TRPM4: variants seen among roughly 807,000 people sequenced by gnomAD.
The protein encoded by TRPM4 is calcium-activated non-selective cation channel 1.
Under a neutral mutation model 135.6 loss-of-function variants are expected in TRPM4, and 124 were observed. The ratio of observed to expected loss-of-function variants is 0.91; its 90% CI spans 0.79 to 1.06. The LOEUF (loss-of-function observed/expected upper bound fraction) is 1.06. TRPM4 is among the 50% of genes least tolerant of loss of function. The pLI is 0.00. For synonymous variants in TRPM4, 745 were observed against 705.6 expected, an observed-to-expected ratio of 1.06 and a Z score of -0.88; for missense variants, 1,658 against 1,671.4, an observed-to-expected ratio of 0.99 and a Z score of 0.14.
At position 49,182,888 on chromosome 19, in the gene TRPM4, G is replaced by A. The variant is rs1417121666; in HGVS notation, c.1574G>A (p.Trp525Ter). ...CCGAGGTACCCCTCCGGGGGCGCCT[G>A]GGACCCTCACCCAGGCCAGGGCTTC... Reference protein sequence around the residue: ...CAPRYPSGGAWDPHPGQGFGE... With the variant: ...CAPRYPSGGA The change falls in exon 11 of 25, where the codon TGG (tryptophan) becomes TAG (stop). Residue 525 changes from tryptophan to a stop codon, truncating the protein, a stop_gained. Coordinates refer to ENST00000252826, the MANE Select transcript of TRPM4 (RefSeq NM_017636.4). LOFTEE classifies it high-confidence loss of function. 1.2e-6 allele frequency: 2 copies of A among 1,601,674 alleles called. No individual in the cohort carries two copies. Among genetic ancestry groups the A allele is most frequent in the African/African-American group, 2.7e-5 (2 of 74,662 alleles).
Position 49,210,299 on chromosome 19 carries a change from G to C in TRPM4, c.3222G>C (p.Ala1074=). ...RLIREFHSRP[A]LAPPFIVISH... is the part of the protein sequence containing the mutation. ...TCCGGGAATTCCACTCTCGGCCCGC[G>C]CTGGCCCCGCCCTTTATCGTCATCT... Residue 1074 remains alanine, a synonymous_variant, in exon 21 of 25, where the codon GCG becomes GCC. Transcript: ENST00000252826. The surrounding 1 kb of genome is among the most constrained non-coding windows in gnomAD (Gnocchi z 4.1). 6.2e-7 allele frequency: 1 copy of C among 1,614,214 alleles called. No homozygotes were observed. Among genetic ancestry groups the C allele is most frequent in the South Asian group, 1.1e-5 (1 of 91,090 alleles).
Position 49,168,371 on chromosome 19 carries a change from G to C in TRPM4, c.560G>C (p.Gly187Ala), listed in dbSNP as rs1967313747. The change falls in exon 5 of 25, where the codon GGT becomes GCT. Residue 187 changes from glycine (G) to alanine (A), a missense_variant. Gly to Ala is a moderately conservative substitution (Grantham distance 60). Around this residue, in one of 3 missense-constraint regions of TRPM4, gnomAD observed 1,412 missense variants for 1,408.7 expected, o/e 1.00. Transcript: ENST00000252826. ...GGGGGCACCAAGGTGGTGGCCATGG[G>C]TGTGGCCCCCTGGGGTGTGGTCCGG... ...STGGTKVVAMGVAPWGVVRNR... is the reference protein window; with the variant it reads ...STGGTKVVAMAVAPWGVVRNR... The C allele has an allele frequency of 6.2e-7, 1 of 1,614,004 alleles. No individual in the cohort carries two copies. Among genetic ancestry groups the C allele is most frequent in the Admixed American group, 1.7e-5 (1 of 60,008 alleles).
At chr19:49,175,188 G>A (rs1049623299) in intron 9 of TRPM4, among the ~76,000 whole-genome samples, 16 of 148,576 alleles carry the variant, frequency 1.1e-4, no homozygotes, top group Non-Finnish European at 2.2e-4. Context: ...TGATTCTCCT[G>A]CCTCAGCCTC....
intron 2 of TRPM4, 32 bp downstream of exon 2, chr19:49,158,291 G>A: frequency 6.2e-7 from 1 of 1,606,732 alleles, no homozygotes; most frequent in Non-Finnish European, 8.5e-7. Context: ...TGACCCCAGA[G>A]GGTCCGCGGC....
chr19:49,196,522 G>T lies in TRPM4; in HGVS notation c.2293G>T (p.Gly765Trp). 1 of 1,553,616 alleles carries T rather than the reference G, an allele frequency of 6.4e-7. No individual in the cohort carries two copies. The highest frequency in any genetic ancestry group is 1.9e-5 in the Admixed American group (1 of 52,142). The change falls in exon 17 of 25, where the codon GGG becomes TGG. Residue 765 changes from glycine to tryptophan, a missense_variant. Physicochemically the swap from Gly to Trp is radical, Grantham distance 184 (BLOSUM62 -2). This residue lies in a region of TRPM4 where 1,412 missense variants were observed against 1,408.7 expected (regional missense o/e 1.00). Transcript: ENST00000252826. ...GGGTTGCTGCGGGGGCCGCTGCGGG[G>T]GGCGCCGGTGCCTACGCCGCTGGTT... ...RPGCCGGRCG[G>W]RRCLRRWFHF...
intron 14 of TRPM4, 58 bp from the exon 15 acceptor site, chr19:49,190,150 G>A (rs948746851): frequency 4.0e-5 from 58 of 1,451,190 alleles, no homozygotes; most frequent in African/African-American, 1.3e-4. Context: ...CTTGCTGGGC[G>A]TCTTAGGGAC....
At position 49,190,246 on chromosome 19, in the gene TRPM4, C is replaced by A. The variant is rs1402986239; in HGVS notation, c.2058C>A (p.Ser686Arg). 1 of 1,614,180 alleles carries A rather than the reference C, an allele frequency of 6.2e-7. No homozygotes were observed. Among genetic ancestry groups the A allele is most frequent in the Non-Finnish European group, 8.5e-7 (1 of 1,180,028 alleles). Residue 686 changes from serine (S) to arginine (R), a missense_variant, in exon 15 of 25, where the codon AGC becomes AGA. By Grantham distance (110) the Ser-to-Arg change is moderately radical. Transcript: ENST00000252826. ...LTQKWWGDMA[S>R]TTPIWALVLA... Reference sequence around the variant, plus strand: ...AGAAGTGGTGGGGAGATATGGCCAGCACTACACCCATCTGGGCCCTGGTTC... The same window carrying A: ...AGAAGTGGTGGGGAGATATGGCCAGAACTACACCCATCTGGGCCCTGGTTC...
Position 49,190,267 on chromosome 19 carries a change from G to T in TRPM4, c.2079G>T (p.Leu693=). Residue 693 remains leucine (L), a synonymous_variant, in exon 15 of 25, where the codon CTG becomes CTT. Coordinates refer to ENST00000252826, the MANE Select transcript of TRPM4 (RefSeq NM_017636.4). The part of the protein sequence containing the change: ...DMASTTPIWA[L]VLAFFCPPLI... ...CCAGCACTACACCCATCTGGGCCCT[G>T]GTTCTCGCCTTCTTTTGCCCTCCAC... is the stretch of plus-strand genomic sequence containing the variant. 2 of 1,614,176 alleles carry T rather than the reference G, an allele frequency of 1.2e-6. No individual in the cohort carries two copies. Among genetic ancestry groups the T allele is most frequent in the Non-Finnish European group, 1.7e-6 (2 of 1,180,038 alleles).
rs373981638 is a variant in TRPM4 at position 49,183,123 on chromosome 19, G to A, written c.1654G>A (p.Ala552Thr). 1.2e-6 allele frequency: 2 copies of A among 1,613,728 alleles called. No individual in the cohort carries two copies. Among genetic ancestry groups the A allele is most frequent in the Non-Finnish European group, 1.7e-6 (2 of 1,180,016 alleles). Residue 552 changes from alanine to threonine, a missense_variant, in exon 12 of 25, where the codon GCT becomes ACT. Physicochemically the swap from Ala to Thr is moderately conservative, Grantham distance 58. Transcript: ENST00000252826. The part of the protein sequence containing the change: ...DKATSPLSLD[A>T]GLGQAPWSDL... Reference sequence around the variant, plus strand: ...GGCCACCTCGCCGCTCTCGCTGGATGCTGGCCTCGGGCAGGCCCCCTGGAG... The same window carrying A: ...GGCCACCTCGCCGCTCTCGCTGGATACTGGCCTCGGGCAGGCCCCCTGGAG...
intron 20 of TRPM4, among the ~76,000 whole-genome samples, chr19:49,209,895 C>T (rs1223305587): frequency 6.6e-6 from 1 of 151,926 alleles, no homozygotes; most frequent in African/African-American, 2.4e-5. Flanking sequence ...ATTACAGGTG[C>T]CCACCACCAC....
intron 20 of TRPM4, among the ~76,000 whole-genome samples, chr19:49,203,148 C>T (rs934087820): frequency 6.6e-6 from 1 of 151,826 alleles, no homozygotes; most frequent in African/African-American, 2.4e-5. Flanking sequence ...GCCTTGGCCT[C>T]CCAAAGTGCT....
Position 49,168,249 on chromosome 19 carries a change from C to G in TRPM4, c.449-11C>G. The stretch of plus-strand genomic sequence containing the variant: ...CCCCCTGCCTCTGCATGTTCCTCGG[C>G]GTCTGTGTAGGAGCCTGGATTGTCA... On this transcript the variant is annotated splice_polypyrimidine_tract_variant and intron_variant, in intron 4 of 24. Transcript: ENST00000252826. 2 of 1,614,072 alleles carry G rather than the reference C, an allele frequency of 1.2e-6. No homozygotes were observed. The highest frequency in any genetic ancestry group is 1.7e-6 in the Non-Finnish European group (2 of 1,180,024).
chr19:49,179,984 G>T (rs923577125), intron 9 of TRPM4, among the ~76,000 whole-genome samples: 11 of 152,176 alleles, frequency 7.2e-5, no homozygotes, highest in African/African-American at 1.4e-4. Flanking sequence ...GGCTCCCAAG[G>T]TTCAATGGCT....
rs1392525365 is a variant in TRPM4 at position 49,171,051 on chromosome 19, G to A, written c.797-306G>A. Among the ~76,000 whole-genome samples the A allele has an allele frequency of 6.6e-6, 1 of 151,772 alleles. No individual in the cohort carries two copies. The highest frequency in any genetic ancestry group is 1.5e-5 in the Non-Finnish European group (1 of 67,992). ...TGCACTCTATCCTGGGCGATAGAGT[G>A]ACACCCTGTTTCAGAAATTAGGCTG... On this transcript the variant is annotated intron_variant, in intron 6 of 24. Transcript: ENST00000252826. This position sits in a 1 kb window ranked among gnomAD's most constrained non-coding sequence, Gnocchi z 4.7.
chr19:49,201,397 T>A (rs1049849324), intron 19 of TRPM4, among the ~76,000 whole-genome samples: 2 of 152,240 alleles, frequency 1.3e-5, no homozygotes, highest in African/African-American at 4.8e-5. Flanking sequence ...TATGATCTAA[T>A]GCTTGCTTGA....
intron 10 of TRPM4, 130 bp from the exon 11 acceptor site, chr19:49,182,448 C>T (rs1200494255): frequency 2.7e-6 from 2 of 730,802 alleles, no homozygotes; most frequent in Admixed American, 2.1e-5. Context: ...ATCCATCCAT[C>T]CACCCATCCA....
In TRPM4 at chr19:49,175,691, C is replaced by T. The variant is rs1424221374; in HGVS notation, c.1150+3583C>T. Among the ~76,000 whole-genome samples the T allele has an allele frequency of 1.2e-4, 17 of 146,760 alleles. 1 individual carries two copies. The highest frequency in any genetic ancestry group is 8.8e-4 in the Admixed American group (13 of 14,700). On this transcript the variant is annotated intron_variant, in intron 9 of 24. Coordinates refer to ENST00000252826, the MANE Select transcript of TRPM4 (RefSeq NM_017636.4). ...TTTTTTTTTTTTTGAGACAGAGTCT[C>T]GCTCTGTCGCCCAGGCTGGAGTGCA...
Position 49,210,928 on chromosome 19 carries a change from G to T in TRPM4, c.3461+86G>T. 7.5e-7 allele frequency: 1 copy of T among 1,327,884 alleles called. No homozygotes were observed. The highest frequency in any genetic ancestry group is 1.0e-6 in the Non-Finnish European group (1 of 993,076). 82.3% of individuals were successfully genotyped at this position (1,327,884 alleles called of 1,614,324 possible). ...TGAAGGCAGGGTCCTGGGAGGGAGG[G>T]AGAGAGGGAGGAGGCCCGGGAAGCA... On this transcript the variant is annotated intron_variant, in intron 22 of 24. Coordinates refer to ENST00000252826, the MANE Select transcript of TRPM4 (RefSeq NM_017636.4). The surrounding 1 kb of genome is among the most constrained non-coding windows in gnomAD (Gnocchi z 4.1).
At chr19:49,164,693 T>TGCTC (rs1236764190) in intron 2 of TRPM4, among the ~76,000 whole-genome samples, 1 of 148,764 alleles carries the variant, frequency 6.7e-6, no homozygotes, top group South Asian at 2.2e-4. Context: ...CTTGCTTGCT[T>TGCTC]GCTTGCTTGC....
Sources: allele counts gnomAD v4.1 joint callset (sites outside exome capture counted in the v4.1 genomes callset), GRCh38; gene constraint gnomAD v4.1.1; regional missense constraint gnomAD v4.1.1; non-coding constraint Gnocchi (gnomAD v3.1); transcripts MANE v1.5; gene names NCBI Gene and HGNC (gene_info 2026-07-23, HGNC 2026-07-21).